ADGB: variants seen among roughly 807,000 people sequenced by gnomAD.
The protein encoded by ADGB is androglobin.
A neutral mutation model predicts 210.5 loss-of-function variants in ADGB; 172 were observed. That is an observed-to-expected ratio of 0.82 (90% confidence interval 0.72 to 0.93). The LOEUF (loss-of-function observed/expected upper bound fraction) is 0.93. ADGB is among the 40% of genes least tolerant of loss of function. ADGB has a pLI of 0.00. For synonymous variants in ADGB, 658 were observed against 662.7 expected (o/e 0.99, Z 0.11); for missense variants, 2,025 against 1,964.8 (o/e 1.03, Z -0.58).
chr6:146,695,168 C>T (rs537052250), intron 12 of ADGB, among the ~76,000 whole-genome samples: 5 of 152,096 alleles, frequency 3.3e-5, no homozygotes, highest in Admixed American at 1.3e-4. Flanking sequence ...CTGGCTTTTC[C>T]GGGGCTTTGT....
At chr6:146,626,945 A>AT (rs1353859163) in intron 1 of ADGB, among the ~76,000 whole-genome samples, 2 of 151,740 alleles carry the variant, frequency 1.3e-5, no homozygotes, top group Non-Finnish European at 1.5e-5. Flanking sequence ...CTTATTTCCA[A>AT]TTTTTTTATT....
chr6:146,654,807 T>C (rs1775756712), intron 4 of ADGB, among the ~76,000 whole-genome samples: 1 of 152,172 alleles, frequency 6.6e-6, no homozygotes, highest in Non-Finnish European at 1.5e-5. Context: ...TGTGTGTGTG[T>C]ATATGTGTGT....
chr6:146,666,864 TGC>T lies in ADGB; in HGVS notation c.804_805del (p.Leu269HisfsTer28). 1 of 1,547,864 alleles carries T rather than the reference TGC, an allele frequency of 6.5e-7. No individual in the cohort carries two copies. The highest frequency in any genetic ancestry group is 8.7e-7 in the Non-Finnish European group (1 of 1,143,980). On this transcript the variant is annotated frameshift_variant, in exon 7 of 36. Coordinates refer to ENST00000397944, the MANE Select transcript of ADGB (RefSeq NM_024694.4). LOFTEE classifies it high-confidence loss of function. Reference protein sequence around the residue: ...RELGEFTVIHALTGWLPEVIS... With the variant: ...RELGEFTVIHXLTGWLPEVIS... ...AGCTGGGGGAGTTCACGGTTATTCA[TGC>T]GCTCACAGGATGGTTACCAGAAGTC...
chr6:146,752,096 G>A (rs931825011), intron 26 of ADGB, among the ~76,000 whole-genome samples: 2 of 152,024 alleles, frequency 1.3e-5, no homozygotes, highest in African/African-American at 4.8e-5. Context: ...GGTAATTTCT[G>A]AAGAAAAGAG....
Position 146,776,274 on chromosome 6 carries a change from T to C in ADGB, c.3863-5746T>C, listed in dbSNP as rs79680431. Among the ~76,000 whole-genome samples, 207 of 152,272 alleles carry C rather than the reference T, an allele frequency of 1.4e-3. 4 individuals are homozygous for C. The East Asian group carries it at 0.034, about 25-fold the overall frequency. On this transcript the variant is annotated intron_variant, in intron 29 of 35. Coordinates refer to ENST00000397944, the MANE Select transcript of ADGB (RefSeq NM_024694.4). ...TCATAATTCTTGGACTAGTAGAATG[T>C]TTTTTTCTTGCATCTTACAACTATA...
chr6:146,781,212 G>A (rs923788387), intron 29 of ADGB, among the ~76,000 whole-genome samples: 4 of 150,434 alleles, frequency 2.7e-5, no homozygotes, highest in African/African-American at 7.3e-5. Flanking sequence ...GCGTGGTGGC[G>A]GGCACCTGTA....
At chr6:146,644,200 A>G (rs1229957966) in intron 2 of ADGB, among the ~76,000 whole-genome samples, 2 of 151,878 alleles carry the variant, frequency 1.3e-5, no homozygotes, top group African/African-American at 4.8e-5. Flanking sequence ...AATTGGAGAA[A>G]TTCGGTAAAT....
intron 7 of ADGB, among the ~76,000 whole-genome samples, chr6:146,670,938 A>G (rs1176249624): frequency 6.6e-6 from 1 of 152,236 alleles, no homozygotes; most frequent in East Asian, 1.9e-4. Context: ...ATTTATCTCA[A>G]AGGATTAGTT....
Position 146,815,253 on chromosome 6 carries a change from G to T in ADGB, c.*36G>T. ...TCCAATACTACCCTGCTTCTGGAGA[G>T]AAAAAATCTATTTGTAATGATCTTT... On this transcript the variant is annotated 3_prime_UTR_variant, in exon 36 of 36. Coordinates refer to ENST00000397944, the MANE Select transcript of ADGB (RefSeq NM_024694.4). 6 of 1,424,214 alleles carry T rather than the reference G, an allele frequency of 4.2e-6. No individual in the cohort carries two copies. Among genetic ancestry groups the T allele is most frequent in the Non-Finnish European group, 4.6e-6 (5 of 1,088,008 alleles). The allele number at this position is 1,424,214 out of a possible 1,614,324, so 88.2% of individuals were successfully genotyped here. A position where few individuals can be genotyped will look rare whatever the true frequency, so the allele number is the denominator to read the frequency against.
At chr6:146,682,386 A>G (rs1261927185) in intron 9 of ADGB, among the ~76,000 whole-genome samples, 2 of 152,174 alleles carry the variant, frequency 1.3e-5, no homozygotes, top group Admixed American at 6.6e-5. Flanking sequence ...AATACATATA[A>G]TTAGTATGGC....
rs1366089178 is a variant in ADGB, at chr6:146,741,337, G to A, written c.3177+66G>A. On this transcript the variant is annotated intron_variant, in intron 25 of 35. Coordinates refer to ENST00000397944, the MANE Select transcript of ADGB (RefSeq NM_024694.4). ...GTGAAAAGCTACCAGCTTGTAGAGG[G>A]TCCTGAAGGGAGGGTAGAGTTGTTT... 3 of 1,452,574 alleles carry A rather than the reference G, an allele frequency of 2.1e-6. No individual in the cohort carries two copies. The African/African-American group carries it at 4.3e-5, about 21-fold the overall frequency. The allele number at this position is 1,452,574 out of a possible 1,614,324, so 90.0% of individuals were successfully genotyped here.
intron 33 of ADGB, among the ~76,000 whole-genome samples, chr6:146,791,873 T>A (rs773192348): frequency 9.4e-5 from 14 of 149,450 alleles, no homozygotes; most frequent in Non-Finnish European, 2.1e-4. Flanking sequence ...GTTCTCCACC[T>A]CAGCTTCCTA....
intron 22 of ADGB, among the ~76,000 whole-genome samples, chr6:146,735,557 T>C (rs1360015333): frequency 1.3e-5 from 2 of 152,214 alleles, no homozygotes; most frequent in Non-Finnish European, 2.9e-5. Context: ...GTTCCACTTC[T>C]CAATGCTGTT....
At chr6:146,636,114 T>G (rs1008588249) in intron 2 of ADGB, among the ~76,000 whole-genome samples, 4 of 152,104 alleles carry the variant, frequency 2.6e-5, no homozygotes, top group African/African-American at 4.8e-5. Context: ...TTATGTTATT[T>G]TGCCTATTTA....
intron 1 of ADGB, among the ~76,000 whole-genome samples, chr6:146,604,870 TGA>T (rs1562252837): frequency 6.6e-6 from 1 of 152,114 alleles, no homozygotes; most frequent in Non-Finnish European, 1.5e-5. Context: ...AGAGGAATCA[TGA>T]GACTCCTAAA....
intron 35 of ADGB, among the ~76,000 whole-genome samples, chr6:146,806,646 A>G (rs1008189975): frequency 6.6e-6 from 1 of 152,222 alleles, no homozygotes; most frequent in African/African-American, 2.4e-5. Flanking sequence ...CCATTTCTAG[A>G]AGAGTCTTTT....
At chr6:146,606,772 G>A (rs1345407205) in intron 1 of ADGB, among the ~76,000 whole-genome samples, 1 of 152,030 alleles carries the variant, frequency 6.6e-6, no homozygotes, top group Non-Finnish European at 1.5e-5. Context: ...GTCTGTTTTT[G>A]TATCAGTATC....
At chr6:146,745,427 C>T (rs1777214062) in intron 25 of ADGB, among the ~76,000 whole-genome samples, 2 of 152,216 alleles carry the variant, frequency 1.3e-5, no homozygotes, top group African/African-American at 4.8e-5. Flanking sequence ...CTCAATCACA[C>T]ATCTGGGTTC....
chr6:146,728,825 C>T, intron 20 of ADGB, 84 bp downstream of exon 20: 2 of 1,122,074 alleles, frequency 1.8e-6, no homozygotes, highest in Non-Finnish European at 2.4e-6. Context: ...CCTCCCAAAT[C>T]AGAGCCAGAG....
Sources: allele counts gnomAD v4.1 joint callset (sites outside exome capture counted in the v4.1 genomes callset), GRCh38; gene constraint gnomAD v4.1.1; transcripts MANE v1.5; gene names NCBI Gene and HGNC (gene_info 2026-07-23, HGNC 2026-07-21).